CPEB3: variants seen among roughly 807,000 people sequenced by gnomAD.
CPEB3 encodes the protein cytoplasmic polyadenylation element binding protein 3.
A neutral mutation model predicts 67.2 loss-of-function variants in CPEB3; 20 were observed. The ratio of observed to expected loss-of-function variants is 0.30; its 90% CI spans 0.21 to 0.43. The LOEUF (loss-of-function observed/expected upper bound fraction) is 0.43. CPEB3 is among the 20% of genes least tolerant of loss of function. The pLI, the probability that CPEB3 is intolerant of heterozygous loss-of-function variation, is 1.00. For missense variants in CPEB3, 746 were observed against 968.6 expected (o/e 0.77, Z 3.05); for synonymous variants, 376 against 393.1 (o/e 0.96, Z 0.51).
chr10:92,228,645 G>A (rs1287804474), intron 2 of CPEB3, among the ~76,000 whole-genome samples: 1 of 151,780 alleles, frequency 6.6e-6, no homozygotes, highest in Non-Finnish European at 1.5e-5. Flanking sequence ...AATCTCACAT[G>A]CCTGGAATTA....
intron 4 of CPEB3, among the ~76,000 whole-genome samples, chr10:92,168,858 C>T (rs1336094682): frequency 3.6e-5 from 5 of 137,592 alleles, no homozygotes; most frequent in African/African-American, 1.4e-4. Context: ...TGCAATGGTG[C>T]GATCTCAGCT....
chr10:92,188,136 C>G (rs1848779896), intron 3 of CPEB3, among the ~76,000 whole-genome samples: 1 of 151,838 alleles, frequency 6.6e-6, no homozygotes, highest in African/African-American at 2.4e-5. Context: ...GTCAAGGCTG[C>G]AGTGAGCCAA....
At chr10:92,251,878 T>C (rs1323244034) in intron 1 of CPEB3, among the ~76,000 whole-genome samples, 1 of 150,418 alleles carries the variant, frequency 6.6e-6, no homozygotes, top group Admixed American at 6.6e-5. Context: ...GAGGGAGAGG[T>C]TGCAGTGAGC....
At chr10:92,249,137 G>C (rs2134765328) in intron 1 of CPEB3, among the ~76,000 whole-genome samples, 1 of 152,194 alleles carries the variant, frequency 6.6e-6, no homozygotes, top group South Asian at 2.1e-4. Flanking sequence ...CTAGCACTTT[G>C]GGAGGCCAAG....
intron 2 of CPEB3, among the ~76,000 whole-genome samples, chr10:92,225,004 C>T (rs1239660327): frequency 6.8e-6 from 1 of 147,916 alleles, no homozygotes; most frequent in Non-Finnish European, 1.5e-5. Flanking sequence ...GAGGTGGAGT[C>T]ACACTCTGTC....
intron 5 of CPEB3, among the ~76,000 whole-genome samples, chr10:92,143,543 G>A (rs767027520): frequency 3.9e-5 from 6 of 152,126 alleles, no homozygotes; most frequent in Non-Finnish European, 5.9e-5. Context: ...AAATAGATAC[G>A]ATTCTTTTGG....
At position 92,047,656 on chromosome 10, in the gene CPEB3, T is replaced by A. The variant is rs1304312884; in HGVS notation, c.*4556A>T. 2 of 152,262 alleles carry A rather than the reference T, an allele frequency of 1.3e-5. No individual in the cohort carries two copies. Among genetic ancestry groups the A allele is most frequent in the Admixed American group, 6.5e-5 (1 of 15,284 alleles). 9.4% of individuals were successfully genotyped at this position (152,262 alleles called of 1,614,324 possible). Reference sequence around the variant, plus strand: ...TCTGTTCCTAATCATTTATTTGTAGTTAATGTAAAATTCCAACCAGTAGTA... The same window carrying A: ...TCTGTTCCTAATCATTTATTTGTAGATAATGTAAAATTCCAACCAGTAGTA... On this transcript the variant is annotated 3_prime_UTR_variant, in exon 10 of 10. Coordinates refer to ENST00000265997, the MANE Select transcript of CPEB3 (RefSeq NM_014912.5).
At chr10:92,178,040 T>G (rs1033372912) in intron 4 of CPEB3, among the ~76,000 whole-genome samples, 1 of 152,204 alleles carries the variant, frequency 6.6e-6, no homozygotes, top group African/African-American at 2.4e-5. Context: ...CAATTTGCTA[T>G]AATTTTCTTA....
intron 2 of CPEB3, among the ~76,000 whole-genome samples, chr10:92,238,757 A>T (rs1017545384): frequency 6.6e-6 from 1 of 152,158 alleles, no homozygotes; most frequent in Non-Finnish European, 1.5e-5. Flanking sequence ...TTTTCCCAGC[A>T]GGGGCAATAT....
chr10:92,073,941 T>C (rs1057088428), intron 9 of CPEB3, among the ~76,000 whole-genome samples: 14 of 152,212 alleles, frequency 9.2e-5, no homozygotes, highest in Admixed American at 9.2e-4. Context: ...AAAAACACTT[T>C]TGATATTCTG....
At chr10:92,229,606 C>T (rs1391231644) in intron 2 of CPEB3, among the ~76,000 whole-genome samples, 3 of 152,222 alleles carry the variant, frequency 2.0e-5, no homozygotes, top group African/African-American at 7.2e-5. Context: ...ACCAAATCTA[C>T]ACATATGAAG....
In CPEB3 at chr10:92,126,947, C is replaced by A. The variant is rs369241296; in HGVS notation, c.1454-15753G>T. On this transcript the variant is annotated intron_variant, in intron 6 of 9. Transcript: ENST00000265997. Reference sequence around the variant, plus strand: ...GATCAAGTAATGAACTCATCATTTGCCAGGATACAATTCATTCATCTAATA... The same window carrying A: ...GATCAAGTAATGAACTCATCATTTGACAGGATACAATTCATTCATCTAATA... 5.3e-5 allele frequency among the ~76,000 whole-genome samples: 8 copies of A among 152,216 alleles called. No individual in the cohort carries two copies. The East Asian group carries it at 7.7e-4, about 15-fold the overall frequency.
chr10:92,199,727 T>C (rs995242268), intron 2 of CPEB3, among the ~76,000 whole-genome samples: 1 of 150,964 alleles, frequency 6.6e-6, no homozygotes, highest in Non-Finnish European at 1.5e-5. Flanking sequence ...AACTAGCTGC[T>C]TCTAAATTTC....
chr10:92,128,023 T>C (rs547701840), intron 6 of CPEB3, among the ~76,000 whole-genome samples: 2 of 152,328 alleles, frequency 1.3e-5, no homozygotes, highest in African/African-American at 2.4e-5. Flanking sequence ...CAACATTTGA[T>C]ACAGATGTCC....
At chr10:92,194,593 G>A (rs1467066151) in intron 2 of CPEB3, among the ~76,000 whole-genome samples, 1 of 152,128 alleles carries the variant, frequency 6.6e-6, no homozygotes, top group African/African-American at 2.4e-5. Flanking sequence ...CAAGATGTTA[G>A]ATTCAAAAAC....
intron 4 of CPEB3, among the ~76,000 whole-genome samples, chr10:92,157,062 T>C (rs992004038): frequency 6.6e-6 from 1 of 152,160 alleles, no homozygotes; most frequent in African/African-American, 2.4e-5. Flanking sequence ...AAGACACAGA[T>C]TGTGATCTTG....
chr10:92,074,690 G>A (rs1353063990), intron 9 of CPEB3, among the ~76,000 whole-genome samples: 1 of 152,198 alleles, frequency 6.6e-6, no homozygotes, highest in Non-Finnish European at 1.5e-5. Flanking sequence ...CATAGTACAT[G>A]AAGGGTCATT....
chr10:92,104,214 T>C (rs1055796033), intron 7 of CPEB3, among the ~76,000 whole-genome samples: 2 of 152,150 alleles, frequency 1.3e-5, no homozygotes, highest in Non-Finnish European at 2.9e-5. Context: ...TGACACCTAT[T>C]ACCATTATGA....
intron 4 of CPEB3, among the ~76,000 whole-genome samples, chr10:92,152,527 G>A (rs1347973671): frequency 1.3e-5 from 2 of 152,120 alleles, no homozygotes; most frequent in Non-Finnish European, 2.9e-5. Context: ...CTAGCTATCT[G>A]TCTTATAATA....
Sources: gnomAD v4.1 joint callset for allele counts (sites outside exome capture counted in the v4.1 genomes callset) on GRCh38, gnomAD v4.1.1 for gene constraint, MANE v1.5 for transcripts, NCBI Gene and HGNC (gene_info 2026-07-23, HGNC 2026-07-21) for gene names.